The following THOC5 variants were observed in gnomAD, a reference collection of about 807,000 sequenced individuals.
The protein encoded by THOC5 is Fms-interacting protein.
A neutral mutation model predicts 92.9 loss-of-function variants in THOC5; 43 were observed. The observed-to-expected ratio is 0.46, with a 90% CI of 0.36 to 0.60. The LOEUF is 0.60. THOC5 is among the 20% of genes least tolerant of loss of function. THOC5 has a pLI of 0.00. For synonymous variants in THOC5, 296 were observed against 320.1 expected (o/e 0.92, Z 0.80); for missense variants, 659 against 849.4 (o/e 0.78, Z 2.79).
chr22:29,519,053 G>A lies in THOC5; in HGVS notation c.1442C>T (p.Thr481Ile), dbSNP rs377263785. Residue 481 changes from threonine (T) to isoleucine (I), a missense_variant, in exon 15 of 20, where the codon ACC (threonine) becomes ATC (isoleucine). By Grantham distance (89) the Thr-to-Ile change is moderately conservative. Coordinates refer to ENST00000490103, the MANE Select transcript of THOC5 (RefSeq NM_003678.5). ...GAGGGCCAGGCGGGACTGCACCCTG[G>A]TCTTCAGAAGTTTCATGGTGGTCTC... ...HMETTMKLLK[T>I]RVQSRLALHK... The A allele has an allele frequency of 1.2e-6, 2 of 1,611,144 alleles. No homozygotes were observed. Among genetic ancestry groups the A allele is most frequent in the Non-Finnish European group, 1.7e-6 (2 of 1,178,712 alleles).
chr22:29,510,321 G>A (rs1489577392), intron 19 of THOC5, among the ~76,000 whole-genome samples: 2 of 152,160 alleles, frequency 1.3e-5, no homozygotes, highest in African/African-American at 4.8e-5. Flanking sequence ...TAGGGGTCAG[G>A]CACAATGGCT....
chr22:29,517,974 G>T (rs2063365333), intron 15 of THOC5, among the ~76,000 whole-genome samples: 1 of 152,342 alleles, frequency 6.6e-6, no homozygotes, highest in African/African-American at 2.4e-5. Context: ...AACTGGTGGG[G>T]AGTGGTCTCC....
chr22:29,511,018 A>G, intron 19 of THOC5, 88 bp downstream of exon 19: 1 of 1,438,518 alleles, frequency 7.0e-7, no homozygotes, highest in Middle Eastern at 1.8e-4. Context: ...TTCAGGAAGG[A>G]AGAAGCAAGC....
chr22:29,514,917 C>T (rs1025429488), intron 17 of THOC5, among the ~76,000 whole-genome samples: 1 of 151,978 alleles, frequency 6.6e-6, no homozygotes, highest in African/African-American at 2.4e-5. Flanking sequence ...GTTGGCCAGG[C>T]TGGTCTTGAA....
At chr22:29,543,724 C>T (rs990561811) in intron 3 of THOC5, among the ~76,000 whole-genome samples, 182 bp from the exon 4 acceptor site, 1 of 151,564 alleles carries the variant, frequency 6.6e-6, no homozygotes, top group South Asian at 2.1e-4. Context: ...TTAAGAATCT[C>T]GGGCAAAAAA....
intron 2 of THOC5, chr22:29,544,976 C>T: frequency 5.8e-6 from 2 of 343,164 alleles, no homozygotes; most frequent in Non-Finnish European, 1.1e-5. Context: ...TTAAGTGCAA[C>T]TTCCCATCTG....
At position 29,549,090 on chromosome 22, in the gene THOC5, G is replaced by C; in HGVS notation, c.58C>G (p.Pro20Ala). ...KPKVIRSDGA[P>A]AEGKRNRSDT... ...GATCGATTCCGCTTTCCTTCAGCTGGGGCTCCATCGCTTCGGATCACTTTG... is the reference window on the plus strand; with the variant it reads ...GATCGATTCCGCTTTCCTTCAGCTGCGGCTCCATCGCTTCGGATCACTTTG... The change falls in exon 2 of 20, where the codon CCA becomes GCA. Residue 20 changes from proline (P) to alanine (A), a missense_variant. Transcript: ENST00000490103. 1 of 1,614,060 alleles carries C rather than the reference G, an allele frequency of 6.2e-7. No homozygotes were observed. The highest frequency in any genetic ancestry group is 8.5e-7 in the Non-Finnish European group (1 of 1,180,006).
chr22:29,521,745 G>A (rs1337306557), intron 12 of THOC5, among the ~76,000 whole-genome samples: 1 of 152,158 alleles, frequency 6.6e-6, no homozygotes, highest in African/African-American at 2.4e-5. Context: ...GGCACAGTTT[G>A]TCATTAAATG....
chr22:29,528,149 T>C lies in THOC5; in HGVS notation c.995A>G (p.Gln332Arg), dbSNP rs746839409. The change falls in exon 11 of 20, where the codon CAG (glutamine) becomes CGG (arginine). Residue 332 changes from glutamine (Q) to arginine (R), a missense_variant. Physicochemically the swap from Gln to Arg is conservative, Grantham distance 43. Coordinates refer to ENST00000490103, the MANE Select transcript of THOC5 (RefSeq NM_003678.5). ...TKRRRPTLGV[Q>R]LDDKRKEMLK... is the part of the protein sequence containing the mutation. ...CATCTCCTTGCGTTTGTCGTCCAAC[T>C]GAACCCCCAGTGTGGGTCTCCGGCG... is the stretch of plus-strand genomic sequence containing the variant. 6.2e-7 allele frequency: 1 copy of C among 1,614,174 alleles called. No homozygotes were observed. Among genetic ancestry groups the C allele is most frequent in the Non-Finnish European group, 8.5e-7 (1 of 1,180,022 alleles).
chr22:29,544,409 C>T (rs1411896521), intron 3 of THOC5, 51 bp downstream of exon 3: 2 of 1,577,048 alleles, frequency 1.3e-6, no homozygotes, highest in Non-Finnish European at 8.6e-7. Context: ...CAAAAACAGC[C>T]TCATCTATGT....
Position 29,508,402 on chromosome 22 carries a change from A to G in THOC5, c.*55T>C. On this transcript the variant is annotated 3_prime_UTR_variant, in exon 20 of 20. Coordinates refer to ENST00000490103, the MANE Select transcript of THOC5 (RefSeq NM_003678.5). ...TCACATGTGGGCCAGAGCAGAAAGC[A>G]GAAGCCCAGTGCTCAGGGTGAGGCC... 6.4e-7 allele frequency: 1 copy of G among 1,553,200 alleles called. No homozygotes were observed. Among genetic ancestry groups the G allele is most frequent in the Non-Finnish European group, 8.9e-7 (1 of 1,125,472 alleles).
Position 29,508,235 on chromosome 22 carries a change from T to C in THOC5, c.*222A>G, listed in dbSNP as rs1317484760. 1 of 571,172 alleles carries C rather than the reference T, an allele frequency of 1.8e-6. No individual in the cohort carries two copies. Among genetic ancestry groups the C allele is most frequent in the Non-Finnish European group, 3.1e-6 (1 of 321,808 alleles). The allele number at this position is 571,172 out of a possible 1,614,324, so 35.4% of individuals were successfully genotyped here. ...TTATTGGCTGCTGAGAAAAAGTCTC[T>C]CTACAAATGCTTTTTCACACTGTGT... On this transcript the variant is annotated 3_prime_UTR_variant, in exon 20 of 20. Transcript: ENST00000490103.
intron 2 of THOC5, among the ~76,000 whole-genome samples, chr22:29,545,571 A>G (rs1412302586): frequency 6.6e-6 from 1 of 152,236 alleles, no homozygotes. Context: ...AAATTGGCCA[A>G]AACAAAGGCG....
chr22:29,521,901 C>T (rs779895572), intron 12 of THOC5, among the ~76,000 whole-genome samples: 3 of 152,106 alleles, frequency 2.0e-5, no homozygotes, highest in Admixed American at 6.6e-5. Flanking sequence ...CAGCACGTGC[C>T]GGTCCTGCGT....
intron 17 of THOC5, among the ~76,000 whole-genome samples, chr22:29,514,777 T>A (rs1043529950): frequency 6.6e-6 from 1 of 151,126 alleles, no homozygotes; most frequent in African/African-American, 2.4e-5. Context: ...CGATCTTGGC[T>A]CACTGCAAGC....
At chr22:29,527,832 C>G (rs1027389273) in intron 11 of THOC5, among the ~76,000 whole-genome samples, 5 of 152,138 alleles carry the variant, frequency 3.3e-5, no homozygotes, top group African/African-American at 9.7e-5. Flanking sequence ...TTGCTAGATT[C>G]AGAAAGAGGT....
rs1316082102 is a variant in THOC5 at position 29,539,352 on chromosome 22, A to T, written c.577T>A (p.Trp193Arg). 1 of 1,613,918 alleles carries T rather than the reference A, an allele frequency of 6.2e-7. No individual in the cohort carries two copies. Among genetic ancestry groups the T allele is most frequent in the Non-Finnish European group, 8.5e-7 (1 of 1,179,880 alleles). ...PHQQTLARLDWELEQRKRLAE... is the reference protein window; with the variant it reads ...PHQQTLARLDRELEQRKRLAE... ...TACCTTTTCCGCTGCTCCAGCTCCC[A>T]GTCCAGACGTGCCAGTGTTTGCTGG... Residue 193 changes from tryptophan to arginine, a missense_variant, in exon 6 of 20, where the codon TGG becomes AGG. Physicochemically the swap from Trp to Arg is moderately radical, Grantham distance 101. Transcript: ENST00000490103.
rs112335206 is a variant in THOC5 at position 29,536,374 on chromosome 22, A to C, written c.714+250T>G. On this transcript the variant is annotated intron_variant, in intron 7 of 19. Coordinates refer to ENST00000490103, the MANE Select transcript of THOC5 (RefSeq NM_003678.5). The stretch of plus-strand genomic sequence containing the variant: ...GTAAACTAAATTTACACAGTCTGAG[A>C]AAGTACGTTACCCAGAGAAGGCCTC... 460 of 461,550 alleles carry C rather than the reference A, an allele frequency of 1.0e-3. 5 individuals are homozygous for C. Among genetic ancestry groups the C allele is most frequent in the African/African-American group, 7.9e-3 (402 of 50,798 alleles). 28.6% of individuals were successfully genotyped at this position (461,550 alleles called of 1,614,324 possible).
At chr22:29,531,139 A>G in intron 8 of THOC5, 1 of 1,163,086 alleles carries the variant, frequency 8.6e-7, no homozygotes, top group Non-Finnish European at 1.1e-6. Context: ...GGGAGAACAA[A>G]GGGGAGGGGA....
Sources: allele counts gnomAD v4.1 joint callset (sites outside exome capture counted in the v4.1 genomes callset), GRCh38; gene constraint gnomAD v4.1.1; transcripts MANE v1.5; gene names NCBI Gene and HGNC (gene_info 2026-07-23, HGNC 2026-07-21).